The following KMT2C variants were observed in gnomAD, a reference collection of about 807,000 sequenced individuals.
The protein encoded by KMT2C is lysine methyltransferase 2C, also known as histone-lysine N-methyltransferase 2C.
Under a neutral mutation model 507.9 loss-of-function variants are expected in KMT2C, and 88 were observed. The observed-to-expected ratio is 0.17, with a 90% CI of 0.15 to 0.21. The LOEUF (loss-of-function observed/expected upper bound fraction) is 0.21. KMT2C is among the 10% of genes least tolerant of loss of function. KMT2C has a pLI of 1.00. For synonymous variants in KMT2C, 2,049 were observed against 2,080.8 expected (o/e 0.98, Z 0.42); for missense variants, 4,954 against 5,957.8 (o/e 0.83, Z 5.55).
intron 38 of KMT2C, among the ~76,000 whole-genome samples, chr7:152,175,394 A>G (rs528197197): frequency 1.3e-5 from 2 of 151,900 alleles, no homozygotes; most frequent in Admixed American, 6.6e-5. Context: ...AGGTATACAT[A>G]TGTCATGGTG....
At chr7:152,238,295 A>AT (rs1297332368) in intron 15 of KMT2C, among the ~76,000 whole-genome samples, 1 of 152,258 alleles carries the variant, frequency 6.6e-6, no homozygotes, top group Non-Finnish European at 1.5e-5. Context: ...AAGCCTTGTC[A>AT]TTTTAAGGTA....
At chr7:152,223,654 C>T (rs559977383) in intron 20 of KMT2C, among the ~76,000 whole-genome samples, 31 of 152,036 alleles carry the variant, frequency 2.0e-4, no homozygotes, top group Non-Finnish European at 4.1e-4. Context: ...ATTAGCTGGG[C>T]GTGGTGGCAT....
chr7:152,301,378 G>A (rs2096566788), intron 6 of KMT2C, among the ~76,000 whole-genome samples: 1 of 150,188 alleles, frequency 6.7e-6, no homozygotes, highest in Non-Finnish European at 1.5e-5. Context: ...GCATGGTGGT[G>A]GGCACCTGTA....
intron 41 of KMT2C, among the ~76,000 whole-genome samples, chr7:152,168,100 T>C (rs1316085810): frequency 6.6e-6 from 1 of 152,168 alleles, no homozygotes; most frequent in Non-Finnish European, 1.5e-5. Context: ...AATATTCTCT[T>C]CTTTATTCTT....
chr7:152,345,363 G>A (rs945968069), intron 2 of KMT2C, among the ~76,000 whole-genome samples: 3 of 152,078 alleles, frequency 2.0e-5, no homozygotes, highest in African/African-American at 7.2e-5. Flanking sequence ...GATGGCTTGA[G>A]CCCAAGAGTT....
chr7:152,434,862 A>G (rs1169865501), intron 1 of KMT2C, among the ~76,000 whole-genome samples: 1 of 152,102 alleles, frequency 6.6e-6, no homozygotes, highest in African/African-American at 2.4e-5. Context: ...AGCGACATTT[A>G]CATCTGCACT....
chr7:152,207,862 C>A lies in KMT2C; in HGVS notation c.3713-434G>T, dbSNP rs1362795610. The stretch of plus-strand genomic sequence containing the variant: ...AAACTTTCTCCTTTTTCCCATGTTA[C>A]CTATCATCATTAAAAGGCATGGAAA... On this transcript the variant is annotated intron_variant, in intron 23 of 58. Transcript: ENST00000262189. Among the ~76,000 whole-genome samples, 3 of 152,234 alleles carry A rather than the reference C, an allele frequency of 2.0e-5. No individual in the cohort carries two copies. The East Asian group carries it at 5.8e-4, about 29-fold the overall frequency.
Position 152,296,295 on chromosome 7 carries a change from G to A in KMT2C, c.849+13671C>T, listed in dbSNP as rs530097783. On this transcript the variant is annotated intron_variant, in intron 6 of 58. Transcript: ENST00000262189. ...CTAAAAATACAAAAATTAACCGGGC[G>A]TGGTGGTGGGTGCCTATAATCCCAG... is the stretch of plus-strand genomic sequence containing the variant. Among the ~76,000 whole-genome samples, 10 of 150,312 alleles carry A rather than the reference G, an allele frequency of 6.7e-5. 1 individual carries two copies. Among genetic ancestry groups the A allele is most frequent in the Non-Finnish European group, 1.0e-4 (7 of 67,524 alleles).
chr7:152,211,597 G>A (rs2094455563), intron 23 of KMT2C, among the ~76,000 whole-genome samples: 1 of 152,216 alleles, frequency 6.6e-6, no homozygotes, highest in South Asian at 2.1e-4. Context: ...TTTTATTGAT[G>A]AGGTTCATAG....
intron 5 of KMT2C, 110 bp downstream of exon 5, chr7:152,311,685 GATT>G (rs1268621153): frequency 6.6e-6 from 5 of 756,010 alleles, no homozygotes; most frequent in Non-Finnish European, 9.8e-6. Flanking sequence ...TTTATAGTAT[GATT>G]ATAATTATTT....
intron 3 of KMT2C, among the ~76,000 whole-genome samples, chr7:152,330,173 G>A (rs866171657): frequency 7.5e-6 from 1 of 133,572 alleles, no homozygotes; most frequent in African/African-American, 2.8e-5. Flanking sequence ...GGGTGGTGGG[G>A]GGGGGGAGAA....
At chr7:152,354,302 A>G (rs531384371) in intron 2 of KMT2C, among the ~76,000 whole-genome samples, 1 of 152,328 alleles carries the variant, frequency 6.6e-6, no homozygotes, top group East Asian at 1.9e-4. Context: ...TAATGTTGTA[A>G]TGTTCCAAGA....
chr7:152,435,433 G>A (rs920837001), intron 1 of KMT2C, among the ~76,000 whole-genome samples, 193 bp downstream of exon 1: 2 of 147,450 alleles, frequency 1.4e-5, no homozygotes, highest in African/African-American at 2.4e-5. Context: ...GCGCGGAGCG[G>A]GGGAGGCCGG....
chr7:152,422,820 A>G (rs1257973564), intron 1 of KMT2C, among the ~76,000 whole-genome samples: 4 of 151,886 alleles, frequency 2.6e-5, no homozygotes, highest in East Asian at 1.9e-4. Flanking sequence ...TCAGGAGATC[A>G]AGATCAACCT....
chr7:152,197,537 G>A (rs900736405), intron 27 of KMT2C, among the ~76,000 whole-genome samples: 4 of 151,904 alleles, frequency 2.6e-5, no homozygotes, highest in Admixed American at 2.6e-4. Flanking sequence ...ACTTTTTAGA[G>A]AAAATTATTT....
intron 3 of KMT2C, among the ~76,000 whole-genome samples, chr7:152,319,028 G>A (rs1292639208): frequency 1.3e-5 from 2 of 152,070 alleles, no homozygotes; most frequent in African/African-American, 2.4e-5. Flanking sequence ...GATATCACAA[G>A]TAGAAAATTT....
At chr7:152,206,580 C>T (rs1375455401) in intron 24 of KMT2C, among the ~76,000 whole-genome samples, 4 of 152,058 alleles carry the variant, frequency 2.6e-5, no homozygotes, top group Non-Finnish European at 5.9e-5. Context: ...TTGTACAAAT[C>T]CAATTTAAAA....
intron 1 of KMT2C, among the ~76,000 whole-genome samples, chr7:152,401,543 T>C (rs973781232): frequency 1.3e-5 from 2 of 150,166 alleles, no homozygotes; most frequent in Non-Finnish European, 3.0e-5. Flanking sequence ...ATACAAAAAT[T>C]TGCCAAGCAC....
At chr7:152,190,918 A>T (rs1292344748) in intron 31 of KMT2C, among the ~76,000 whole-genome samples, 1 of 152,164 alleles carries the variant, frequency 6.6e-6, no homozygotes, top group Non-Finnish European at 1.5e-5. Context: ...CCTGTCTCTA[A>T]TGATCATTCA....
Sources: gnomAD v4.1 joint callset for allele counts (sites outside exome capture counted in the v4.1 genomes callset) on GRCh38, gnomAD v4.1.1 for gene constraint, MANE v1.5 for transcripts, NCBI Gene and HGNC (gene_info 2026-07-23, HGNC 2026-07-21) for gene names.